The following PAPSS2 variants were observed in gnomAD, a reference collection of about 807,000 sequenced individuals.
PAPSS2 encodes the protein bifunctional 3'-phosphoadenosine 5'-phosphosulfate synthase 2.
A neutral mutation model predicts 66.5 loss-of-function variants in PAPSS2; 61 were observed. That is an observed-to-expected ratio of 0.92 (90% CI 0.75 to 1.14). The LOEUF is 1.14. Among genes scored for constraint, PAPSS2 ranks in the 50% most tolerant of loss-of-function variants. The pLI, the probability that PAPSS2 is intolerant of heterozygous loss-of-function variation, is 0.00. For synonymous variants in PAPSS2, 289 were observed against 287.5 expected, an observed-to-expected ratio of 1.01 and a Z score of -0.05; for missense variants, 708 against 789.6, an observed-to-expected ratio of 0.90 and a Z score of 1.24.
intron 1 of PAPSS2, among the ~76,000 whole-genome samples, chr10:87,663,716 T>C (rs894320557): frequency 6.6e-6 from 1 of 152,196 alleles, no homozygotes; most frequent in African/African-American, 2.4e-5. Flanking sequence ...CTGTAAAATG[T>C]GGGTAATAAT....
At chr10:87,719,312 C>G (rs537866169) in intron 7 of PAPSS2, among the ~76,000 whole-genome samples, 2 of 152,304 alleles carry the variant, frequency 1.3e-5, no homozygotes, top group African/African-American at 4.8e-5. Flanking sequence ...ATTACTTAAA[C>G]TCTCTGGGCT....
At chr10:87,701,866 TG>T (rs932335244) in intron 1 of PAPSS2, among the ~76,000 whole-genome samples, 10 of 152,202 alleles carry the variant, frequency 6.6e-5, no homozygotes, top group African/African-American at 2.4e-4. Flanking sequence ...CAAATCAACC[TG>T]GGGGAAAAAA....
At chr10:87,733,494 C>A (rs532351299) in intron 9 of PAPSS2, among the ~76,000 whole-genome samples, 1 of 152,274 alleles carries the variant, frequency 6.6e-6, no homozygotes, top group South Asian at 2.1e-4. Flanking sequence ...TTTTCTTGTA[C>A]AAACCAAGAG....
chr10:87,732,999 T>C (rs1024924059), intron 9 of PAPSS2, among the ~76,000 whole-genome samples: 1 of 152,252 alleles, frequency 6.6e-6, no homozygotes, highest in African/African-American at 2.4e-5. Flanking sequence ...GATTGTCGCA[T>C]GTACCAAACA....
intron 8 of PAPSS2, 65 bp from the exon 9 acceptor site, chr10:87,727,219 A>T: frequency 1.5e-6 from 2 of 1,372,536 alleles, no homozygotes; most frequent in East Asian, 2.3e-5. Flanking sequence ...TGCACATTTG[A>T]TTCATGCTTC....
chr10:87,690,297 C>T (rs1351608292), intron 1 of PAPSS2, among the ~76,000 whole-genome samples: 1 of 152,028 alleles, frequency 6.6e-6, no homozygotes, highest in Non-Finnish European at 1.5e-5. Context: ...AAAGATTTGC[C>T]AAGACAGATC....
chr10:87,662,831 C>T (rs1002642405), intron 1 of PAPSS2, among the ~76,000 whole-genome samples: 9 of 152,002 alleles, frequency 5.9e-5, no homozygotes, highest in African/African-American at 2.2e-4. Context: ...CAGCGCTCTC[C>T]ATAGATGTAA....
At chr10:87,693,622 G>A (rs961181555) in intron 1 of PAPSS2, among the ~76,000 whole-genome samples, 6 of 152,220 alleles carry the variant, frequency 3.9e-5, no homozygotes, top group Admixed American at 1.3e-4. Flanking sequence ...TATTAAATAA[G>A]TGTCCAGTTC....
In PAPSS2 at chr10:87,727,353, G is replaced by T. The variant is rs953188794; in HGVS notation, c.950G>T (p.Gly317Val). 6 of 1,613,858 alleles carry T rather than the reference G, an allele frequency of 3.7e-6. No individual in the cohort carries two copies. In the African/African-American group the frequency reaches 5.3e-5, roughly 14 times the overall value. ...VSAEDKTRLE[G>V]CSKFVLAHGG... Reference sequence around the variant, plus strand: ...GCAGAGGATAAGACACGGCTGGAAGGGTGCAGCAAGTTTGTCCTGGCACAT... The same window carrying T: ...GCAGAGGATAAGACACGGCTGGAAGTGTGCAGCAAGTTTGTCCTGGCACAT... The change falls in exon 9 of 13, where the codon GGG becomes GTG. Residue 317 changes from glycine (G) to valine (V), a missense_variant. Physicochemically the swap from Gly to Val is moderately radical, Grantham distance 109. Coordinates refer to ENST00000456849, the MANE Select transcript of PAPSS2 (RefSeq NM_001015880.2).
rs181370296 is a variant in PAPSS2 at position 87,687,201 on chromosome 10, C to G, written c.28-21995C>G. On this transcript the variant is annotated intron_variant, in intron 1 of 12. Transcript: ENST00000456849. ...GTGTGTGTCCCTTTCACCACTATCC[C>G]CACAGCCCCAAGTACAATCTTTGGC... Among the ~76,000 whole-genome samples the G allele has an allele frequency of 3.0e-3, 460 of 152,208 alleles. 1 individual carries two copies. The Middle Eastern group carries it at 0.034, about 11-fold the overall frequency.
rs2131888711 is a variant in PAPSS2 at position 87,659,898 on chromosome 10, C to CTGT, written c.-82_-81insTTG. 7.1e-7 allele frequency: 1 copy of CTGT among 1,406,474 alleles called. No individual in the cohort carries two copies. Among genetic ancestry groups the CTGT allele is most frequent in the Non-Finnish European group, 1.0e-6 (1 of 997,858 alleles). 87.1% of individuals were successfully genotyped at this position (1,406,474 alleles called of 1,614,324 possible). A position where few individuals can be genotyped will look rare whatever the true frequency, so the allele number is the denominator to read the frequency against. On this transcript the variant is annotated 5_prime_UTR_variant, in exon 1 of 13. Coordinates refer to ENST00000456849, the MANE Select transcript of PAPSS2 (RefSeq NM_001015880.2). The stretch of plus-strand genomic sequence containing the variant: ...CCGGCAGCCGCTGCTGCTGCTGCTG[C>CTGT]TGCTGCTGCCGCCGCCGCCGCCGCC...
intron 1 of PAPSS2, among the ~76,000 whole-genome samples, chr10:87,676,983 C>T (rs867059849): frequency 1.8e-4 from 27 of 148,506 alleles, no homozygotes; most frequent in Middle Eastern, 3.8e-3. Context: ...CACTTGAGGT[C>T]AGGAGTTCGA....
intron 1 of PAPSS2, among the ~76,000 whole-genome samples, chr10:87,677,194 A>G (rs1325375782): frequency 6.6e-6 from 1 of 152,190 alleles, no homozygotes; most frequent in Non-Finnish European, 1.5e-5. Context: ...ACTCCATCTC[A>G]AAAAATAAGA....
intron 8 of PAPSS2, among the ~76,000 whole-genome samples, chr10:87,723,609 G>T (rs1853622759): frequency 6.6e-6 from 1 of 152,146 alleles, no homozygotes; most frequent in African/African-American, 2.4e-5. Flanking sequence ...CTAGTTTGTG[G>T]TTTATAAAGG....
At chr10:87,707,281 T>C (rs1386826418) in intron 1 of PAPSS2, among the ~76,000 whole-genome samples, 1 of 152,232 alleles carries the variant, frequency 6.6e-6, no homozygotes, top group Admixed American at 6.5e-5. Flanking sequence ...AGCTATTAAT[T>C]GGGCTTTCCT....
At position 87,715,738 on chromosome 10, in the gene PAPSS2, C is replaced by T. The variant is rs1474601739; in HGVS notation, c.760C>T (p.Leu254Phe). 1.2e-6 allele frequency: 2 copies of T among 1,608,740 alleles called. No homozygotes were observed. Among genetic ancestry groups the T allele is most frequent in the Admixed American group, 1.7e-5 (1 of 59,978 alleles). The change falls in exon 7 of 13, where the codon CTC (leucine) becomes TTC (phenylalanine). Residue 254 changes from leucine to phenylalanine, a missense_variant. Transcript: ENST00000456849. ...TACTTTTTGTGTTTTGCAGCTGGAT[C>T]TCCAGTGGGTCCAGGTTTTGAGCGA... ...LPSLSITKLD[L>F]QWVQVLSEGW...
intron 1 of PAPSS2, among the ~76,000 whole-genome samples, chr10:87,670,816 C>T (rs928476588): frequency 6.6e-6 from 1 of 152,156 alleles, no homozygotes; most frequent in Non-Finnish European, 1.5e-5. Context: ...ATGGAAAAAT[C>T]TGGGTCATCA....
rs1189728321 is a variant in PAPSS2, at chr10:87,659,890, T to TGCC, written c.-90_-89insCGC. The TGCC allele has an allele frequency of 6.6e-5, 84 of 1,282,182 alleles. No homozygotes were observed. The African/African-American group carries it at 1.1e-3, about 16-fold the overall frequency. The allele number at this position is 1,282,182 out of a possible 1,614,324, so 79.4% of individuals were successfully genotyped here. On this transcript the variant is annotated 5_prime_UTR_variant, in exon 1 of 13. Coordinates refer to ENST00000456849, the MANE Select transcript of PAPSS2 (RefSeq NM_001015880.2). Reference sequence around the variant, plus strand: ...CCGGGAGTCCGGCAGCCGCTGCTGCTGCTGCTGCTGCTGCTGCCGCCGCCG... The same window carrying TGCC: ...CCGGGAGTCCGGCAGCCGCTGCTGCTGCCGCTGCTGCTGCTGCTGCCGCCGCCG...
At chr10:87,671,244 T>C (rs1042799087) in intron 1 of PAPSS2, among the ~76,000 whole-genome samples, 1 of 152,240 alleles carries the variant, frequency 6.6e-6, no homozygotes, top group Non-Finnish European at 1.5e-5. Flanking sequence ...AAAGGATCTT[T>C]TGATTATTTA....
Sources: gnomAD v4.1 joint callset for allele counts (sites outside exome capture counted in the v4.1 genomes callset) on GRCh38, gnomAD v4.1.1 for gene constraint, MANE v1.5 for transcripts, NCBI Gene and HGNC (gene_info 2026-07-23, HGNC 2026-07-21) for gene names.